SYN3: variants seen among roughly 807,000 people sequenced by gnomAD.
SYN3 encodes the protein synapsin III.
Under a neutral mutation model 65.8 loss-of-function variants are expected in SYN3, and 35 were observed. That is an observed-to-expected ratio of 0.53 (90% CI 0.41 to 0.70). SYN3 has a LOEUF of 0.70. Among genes scored for constraint, SYN3 ranks in the 30% least tolerant of loss-of-function variants. SYN3 has a pLI of 0.00. For synonymous variants in SYN3, 270 were observed against 292.9 expected, an observed-to-expected ratio of 0.92 and a Z score of 0.80; for missense variants, 680 against 749.0, an observed-to-expected ratio of 0.91 and a Z score of 1.08.
chr22:32,590,424 T>C (rs1039066483), intron 7 of SYN3, among the ~76,000 whole-genome samples: 1 of 152,246 alleles, frequency 6.6e-6, no homozygotes, highest in African/African-American at 2.4e-5. Flanking sequence ...TATATGAATA[T>C]ACTACAATTG....
chr22:32,713,158 C>T (rs1452639883), intron 6 of SYN3, among the ~76,000 whole-genome samples: 1 of 152,166 alleles, frequency 6.6e-6, no homozygotes, highest in Non-Finnish European at 1.5e-5. Context: ...CAAAGCCAGC[C>T]ACTGTAATAG....
intron 6 of SYN3, among the ~76,000 whole-genome samples, chr22:32,854,751 C>A (rs763239539): frequency 1.8e-4 from 27 of 152,208 alleles, no homozygotes; most frequent in Non-Finnish European, 3.2e-4. Flanking sequence ...GACGGCACTT[C>A]TTCCAGCACT....
At chr22:32,691,707 G>A (rs1220595779) in intron 6 of SYN3, among the ~76,000 whole-genome samples, 2 of 151,882 alleles carry the variant, frequency 1.3e-5, no homozygotes, top group African/African-American at 2.4e-5. Context: ...CTTGTGAGCC[G>A]GCTTAGTTCT....
chr22:32,518,147 T>C lies in SYN3; in HGVS notation c.1506A>G (p.Pro502=). 1 of 1,611,122 alleles carries C rather than the reference T, an allele frequency of 6.2e-7. No individual in the cohort carries two copies. Among genetic ancestry groups the C allele is most frequent in the Middle Eastern group, 1.7e-4 (1 of 6,036 alleles). Residue 502 remains proline, a synonymous_variant, in exon 13 of 14, where the codon CCA becomes CCG. Transcript: ENST00000358763. ...GGGGCTGTGAGGCGAGGGTGGCACC[T>C]GGCTTGGAGGCCTGGTTTGGGGAGC... ...SGSSPNQASK[P]GATLASQPRP...
At chr22:32,682,100 G>T (rs5749487) in intron 6 of SYN3, among the ~76,000 whole-genome samples, 47,726 of 104,432 alleles carry the variant, frequency 0.46, 9,855 homozygotes, top group East Asian at 0.67. Context: ...GTGGAGAGGA[G>T]TGGTTCTCAA....
At chr22:32,980,519 C>T (rs1422127673) in intron 3 of SYN3, 126 bp downstream of exon 3, 2 of 863,528 alleles carry the variant, frequency 2.3e-6, no homozygotes, top group African/African-American at 3.3e-5. Context: ...CAAGTATAAG[C>T]TTGGACTTTT....
intron 2 of SYN3, among the ~76,000 whole-genome samples, chr22:33,006,027 C>T (rs1433006878): frequency 6.6e-6 from 1 of 152,166 alleles, no homozygotes; most frequent in African/African-American, 2.4e-5. Context: ...TAATTATAGC[C>T]TCACTTTCCT....
chr22:32,592,268 T>C (rs1009401), intron 7 of SYN3, among the ~76,000 whole-genome samples: 11,455 of 152,254 alleles, frequency 0.075, 459 homozygotes, highest in Middle Eastern at 0.1. Flanking sequence ...ACCCCCTCAC[T>C]GTCCCCAGGT....
At chr22:32,717,962 T>C (rs964734708) in intron 6 of SYN3, among the ~76,000 whole-genome samples, 1 of 152,242 alleles carries the variant, frequency 6.6e-6, no homozygotes, top group African/African-American at 2.4e-5. Context: ...GGTTTAAGAA[T>C]GAGGCTCTCT....
At chr22:32,956,549 T>C (rs2051469997) in intron 3 of SYN3, among the ~76,000 whole-genome samples, 1 of 152,230 alleles carries the variant, frequency 6.6e-6, no homozygotes. Context: ...TCCTTTTGTG[T>C]CTGACTTCTA....
chr22:32,580,336 A>G (rs1260200514), intron 7 of SYN3, among the ~76,000 whole-genome samples: 2 of 152,256 alleles, frequency 1.3e-5, no homozygotes, highest in East Asian at 1.9e-4. Context: ...GCAGTCAACC[A>G]TGGCCCAAAA....
intron 6 of SYN3, among the ~76,000 whole-genome samples, chr22:32,657,492 C>G (rs377217045): frequency 6.6e-6 from 1 of 152,184 alleles, no homozygotes; most frequent in African/African-American, 2.4e-5. Context: ...GAGAGAGACA[C>G]AGAAGTTAGC....
At chr22:32,919,535 C>T (rs1306939618) in intron 4 of SYN3, among the ~76,000 whole-genome samples, 1 of 152,162 alleles carries the variant, frequency 6.6e-6, no homozygotes, top group Non-Finnish European at 1.5e-5. Context: ...CAAACACACA[C>T]ACAGGTACCT....
At chr22:32,929,726 C>A (rs1169034478) in intron 4 of SYN3, among the ~76,000 whole-genome samples, 3 of 152,152 alleles carry the variant, frequency 2.0e-5, no homozygotes, top group African/African-American at 7.2e-5. Context: ...TTTGGGGAAT[C>A]TCAGCTTATT....
At chr22:32,973,598 G>A (rs1249233264) in intron 3 of SYN3, among the ~76,000 whole-genome samples, 1 of 152,122 alleles carries the variant, frequency 6.6e-6, no homozygotes, top group Non-Finnish European at 1.5e-5. Flanking sequence ...AACAGTTTCT[G>A]TGTAGACCAA....
At chr22:32,766,194 G>A (rs1268141493) in intron 6 of SYN3, among the ~76,000 whole-genome samples, 1 of 152,174 alleles carries the variant, frequency 6.6e-6, no homozygotes, top group Admixed American at 6.5e-5. Flanking sequence ...AGGCACTTAG[G>A]GAAGGGATCA....
intron 1 of SYN3, among the ~76,000 whole-genome samples, chr22:33,025,116 G>A (rs967271524): frequency 2.0e-5 from 3 of 151,880 alleles, no homozygotes; most frequent in Non-Finnish European, 4.4e-5. Flanking sequence ...GAGGTGGGTG[G>A]ATCACTAGGT....
At chr22:32,530,957 A>G (rs1282713614) in intron 10 of SYN3, among the ~76,000 whole-genome samples, 1 of 151,640 alleles carries the variant, frequency 6.6e-6, no homozygotes, top group East Asian at 1.9e-4. Context: ...GCAGTGAGCC[A>G]AGTTGCTCTA....
chr22:32,751,086 A>G (rs1395918933), intron 6 of SYN3, among the ~76,000 whole-genome samples: 6 of 151,696 alleles, frequency 4.0e-5, no homozygotes, highest in African/African-American at 1.5e-4. Flanking sequence ...AGGAGCCCTG[A>G]GCCCAGCCCC....
Sources: allele counts gnomAD v4.1 joint callset (sites outside exome capture counted in the v4.1 genomes callset), GRCh38; gene constraint gnomAD v4.1.1; transcripts MANE v1.5; gene names NCBI Gene and HGNC (gene_info 2026-07-23, HGNC 2026-07-21).